The following DLGAP2 variants were observed in gnomAD, a reference collection of about 807,000 sequenced individuals.
DLGAP2 encodes DLG associated protein 2, also known as disks large-associated protein 2.
In DLGAP2, 26 loss-of-function variants were observed where a neutral mutation model predicts 100.3. That is an observed-to-expected ratio of 0.26 (90% CI 0.19 to 0.36). The LOEUF is 0.36. Ranked by LOEUF, DLGAP2 falls within the 10% of genes least tolerant of loss-of-function variation. The pLI, the probability that DLGAP2 is intolerant of heterozygous loss-of-function variation, is 1.00. For missense variants in DLGAP2, 1,858 were observed against 1,453.2 expected (o/e 1.28, Z -4.53); for synonymous variants, 886 against 630.1 (o/e 1.41, Z -6.08).
intron 6 of DLGAP2, among the ~76,000 whole-genome samples, chr8:1,585,804 A>G (rs1464626365): frequency 1.3e-5 from 2 of 152,196 alleles, no homozygotes; most frequent in African/African-American, 4.8e-5. Flanking sequence ...CTTAAACTGT[A>G]AAATTATGAC....
chr8:1,526,523 A>G (rs1045823117), intron 4 of DLGAP2, among the ~76,000 whole-genome samples: 8 of 152,144 alleles, frequency 5.3e-5, no homozygotes, highest in African/African-American at 1.4e-4. Flanking sequence ...AAACACCTGA[A>G]TTACAATCAT....
intron 2 of DLGAP2, among the ~76,000 whole-genome samples, chr8:980,260 G>T (rs1800291258): frequency 6.6e-6 from 1 of 152,200 alleles, no homozygotes; most frequent in African/African-American, 2.4e-5. Context: ...AATATCCATA[G>T]AAGGTGCAGG....
At chr8:1,022,831 C>T (rs574473347) in intron 2 of DLGAP2, among the ~76,000 whole-genome samples, 10 of 152,328 alleles carry the variant, frequency 6.6e-5, no homozygotes, top group African/African-American at 9.6e-5. Context: ...TGGATGGTTC[C>T]GTGCCGAGGT....
intron 2 of DLGAP2, among the ~76,000 whole-genome samples, chr8:1,045,347 C>G (rs568714933): frequency 6.6e-6 from 1 of 152,310 alleles, no homozygotes; most frequent in East Asian, 1.9e-4. Context: ...ACACCCCTTA[C>G]TTTTAAATGT....
chr8:1,488,054 G>T (rs928178266), intron 3 of DLGAP2, among the ~76,000 whole-genome samples: 3 of 152,186 alleles, frequency 2.0e-5, no homozygotes, highest in African/African-American at 7.2e-5. Flanking sequence ...GGAGGGCAGA[G>T]GTGTTGAGTT....
intron 2 of DLGAP2, among the ~76,000 whole-genome samples, chr8:1,228,021 A>G (rs1236804288): frequency 2.6e-5 from 4 of 152,026 alleles, no homozygotes; most frequent in African/African-American, 9.7e-5. Flanking sequence ...TATACCTTAA[A>G]TATACACAAT....
chr8:1,001,610 C>G (rs796893295), intron 2 of DLGAP2, among the ~76,000 whole-genome samples: 19 of 152,288 alleles, frequency 1.2e-4, no homozygotes, highest in African/African-American at 4.6e-4. Context: ...AAGTGCAAAA[C>G]AGAGGTAATA....
chr8:1,296,728 C>G (rs1800186250), intron 3 of DLGAP2, among the ~76,000 whole-genome samples: 1 of 152,190 alleles, frequency 6.6e-6, no homozygotes, highest in African/African-American at 2.4e-5. Flanking sequence ...GTCAAAGGCT[C>G]TTTGGGTTCG....
At chr8:904,586 C>CTGTGATTCTGCTT (rs1424297959) in intron 1 of DLGAP2, among the ~76,000 whole-genome samples, 1 of 152,188 alleles carries the variant, frequency 6.6e-6, no homozygotes, top group Admixed American at 6.5e-5. Flanking sequence ...GGTGCTTCTT[C>CTGTGATTCTGCTT]TCCACGTTCT....
At chr8:1,175,838 G>C (rs1211311256) in intron 2 of DLGAP2, among the ~76,000 whole-genome samples, 1 of 152,174 alleles carries the variant, frequency 6.6e-6, no homozygotes, top group African/African-American at 2.4e-5. Context: ...ACTCGGCATT[G>C]GATTTACACA....
chr8:1,253,514 T>C (rs1282252877), intron 2 of DLGAP2, among the ~76,000 whole-genome samples: 1 of 152,254 alleles, frequency 6.6e-6, no homozygotes, highest in African/African-American at 2.4e-5. Flanking sequence ...AAATGCTCTA[T>C]GAATTTACAC....
At chr8:860,881 T>C (rs1278342027) in intron 1 of DLGAP2, among the ~76,000 whole-genome samples, 3 of 151,972 alleles carry the variant, frequency 2.0e-5, no homozygotes, top group Non-Finnish European at 2.9e-5. Context: ...GAAGAAATGG[T>C]AAAGTAGGAC....
chr8:1,106,876 A>G (rs1804791754), intron 2 of DLGAP2, among the ~76,000 whole-genome samples: 3 of 152,202 alleles, frequency 2.0e-5, no homozygotes, highest in Admixed American at 1.3e-4. Context: ...ATCAAATGAG[A>G]ATAGAACCAT....
chr8:1,160,573 C>G (rs553707980), intron 2 of DLGAP2, among the ~76,000 whole-genome samples: 1 of 152,152 alleles, frequency 6.6e-6, no homozygotes, highest in Admixed American at 6.5e-5. Context: ...CATTATTTTG[C>G]CAGTTTGGGG....
chr8:1,332,296 G>T (rs956855980), intron 3 of DLGAP2, among the ~76,000 whole-genome samples: 1 of 152,156 alleles, frequency 6.6e-6, no homozygotes, highest in Admixed American at 6.5e-5. Flanking sequence ...ATATCTGCAC[G>T]TGTGTCAGTG....
At position 1,511,575 on chromosome 8, in the gene DLGAP2, A is replaced by G. The variant is rs185372478; in HGVS notation, c.172+10144A>G. On this transcript the variant is annotated intron_variant, in intron 4 of 14. Coordinates refer to ENST00000637795, the MANE Select transcript of DLGAP2 (RefSeq NM_001346810.2). Reference sequence around the variant, plus strand: ...ATGGACGTAAGTGCTGTCTAGTGTAAGACAGTCAATAGATGACCATCTTCC... The same window carrying G: ...ATGGACGTAAGTGCTGTCTAGTGTAGGACAGTCAATAGATGACCATCTTCC... Among the ~76,000 whole-genome samples, 321 of 144,248 alleles carry G rather than the reference A, an allele frequency of 2.2e-3. 2 individuals carry two copies. Among genetic ancestry groups the G allele is most frequent in the African/African-American group, 7.6e-3 (294 of 38,688 alleles). 94.6% of individuals were successfully genotyped at this position (144,248 alleles called of 152,430 possible).
intron 2 of DLGAP2, among the ~76,000 whole-genome samples, chr8:1,039,169 G>GGTGTGCGTGGTCAGCTCA (rs1802220736): frequency 1.3e-5 from 1 of 76,536 alleles, no homozygotes. Context: ...TGGTCAGCTC[G>GGTGTGCGTGGTCAGCTCA]GTGTGCGTGG....
intron 1 of DLGAP2, among the ~76,000 whole-genome samples, chr8:805,464 A>G (rs963546522): frequency 6.6e-6 from 1 of 152,036 alleles, no homozygotes; most frequent in African/African-American, 2.4e-5. Context: ...TTATCTAAAG[A>G]TCTTCCCTGA....
chr8:1,194,576 C>T (rs1232200449), intron 2 of DLGAP2, among the ~76,000 whole-genome samples: 1 of 152,158 alleles, frequency 6.6e-6, no homozygotes, highest in Non-Finnish European at 1.5e-5. Context: ...AGTCAGGAAG[C>T]CCTCAAGCAC....
Sources: allele counts gnomAD v4.1 joint callset (sites outside exome capture counted in the v4.1 genomes callset), GRCh38; gene constraint gnomAD v4.1.1; transcripts MANE v1.5; gene names NCBI Gene and HGNC (gene_info 2026-07-23, HGNC 2026-07-21).